The following HS1BP3 variants were observed in gnomAD, a reference collection of about 807,000 sequenced individuals.
HS1BP3 encodes HCLS1-binding protein 3.
Under a neutral mutation model 33.5 loss-of-function variants are expected in HS1BP3, and 32 were observed. The observed-to-expected ratio is 0.95, with a 90% CI of 0.72 to 1.28. The LOEUF is 1.28. HS1BP3 is among the 50% of genes most tolerant of loss of function. HS1BP3 has a pLI of 0.00. For missense variants in HS1BP3, 486 were observed against 502.3 expected (o/e 0.97, Z 0.31); for synonymous variants, 187 against 209.2 (o/e 0.89, Z 0.92).
chr2:20,581,151 G>A (rs1221962270), intron 5 of HS1BP3, among the ~76,000 whole-genome samples: 2 of 152,182 alleles, frequency 1.3e-5, no homozygotes, highest in African/African-American at 4.8e-5. Flanking sequence ...TGCTGCCTCT[G>A]GCCTGATGGG....
At chr2:20,578,819 G>T (rs1282806675) in intron 5 of HS1BP3, among the ~76,000 whole-genome samples, 1 of 152,158 alleles carries the variant, frequency 6.6e-6, no homozygotes, top group Non-Finnish European at 1.5e-5. Flanking sequence ...GAGTCCCTGG[G>T]TGTGTAGCTG....
intron 1 of HS1BP3, among the ~76,000 whole-genome samples, chr2:20,648,369 GC>G (rs753412168): frequency 3.3e-5 from 5 of 152,082 alleles, no homozygotes; most frequent in Non-Finnish European, 7.4e-5. Context: ...GCAACAAACT[GC>G]CCACGCCCAG....
At chr2:20,554,441 G>A in the HS1BP3 span, among the ~76,000 whole-genome samples, 6 of 152,156 alleles carry the variant, frequency 3.9e-5, no homozygotes, top group African/African-American at 7.2e-5. Context: ...AGCACTCAGG[G>A]GCCAGGCGCG....
chr2:20,640,761 C>T, intron 3 of HS1BP3: 3 of 619,420 alleles, frequency 4.8e-6, no homozygotes, highest in Non-Finnish European at 3.0e-6. Context: ...TGTGAGCCCC[C>T]ACCTGACAGC....
intron 5 of HS1BP3, among the ~76,000 whole-genome samples, chr2:20,584,928 G>A (rs1336255200): frequency 6.6e-6 from 1 of 152,148 alleles, no homozygotes; most frequent in Admixed American, 6.5e-5. Context: ...GACTCAGGCT[G>A]GAACCAAAGC....
chr2:20,563,625 C>T (rs1440807874), intron 5 of HS1BP3, among the ~76,000 whole-genome samples: 1 of 152,130 alleles, frequency 6.6e-6, no homozygotes, highest in Admixed American at 6.5e-5. Flanking sequence ...GAATGGTCCC[C>T]GAGATGGAGA....
At chr2:20,650,347 G>C (rs1695653671) in intron 1 of HS1BP3, among the ~76,000 whole-genome samples, 1 of 152,210 alleles carries the variant, frequency 6.6e-6, no homozygotes, top group Non-Finnish European at 1.5e-5. Context: ...GTGCCTCCCA[G>C]CCTTGCCAGG....
downstream of HS1BP3, among the ~76,000 whole-genome samples, chr2:20,588,457 G>C (rs1252704087): frequency 6.6e-6 from 1 of 152,074 alleles, no homozygotes; most frequent in Non-Finnish European, 1.5e-5. Context: ...GCTGGATTAC[G>C]GGCACCAGCC....
At chr2:20,582,475 G>A (rs1693557562) in intron 5 of HS1BP3, among the ~76,000 whole-genome samples, 1 of 152,078 alleles carries the variant, frequency 6.6e-6, no homozygotes, top group Admixed American at 6.5e-5. Context: ...GGGGTAGCAG[G>A]CTCTAAGAGT....
chr2:20,599,385 G>C (rs866015599), intron 2 of HS1BP3, among the ~76,000 whole-genome samples: 4 of 152,356 alleles, frequency 2.6e-5, no homozygotes, highest in Non-Finnish European at 4.4e-5. Flanking sequence ...GCCTGGGCTC[G>C]TGCCCAGTTA....
At chr2:20,588,484 T>A (rs538868258), downstream of HS1BP3, among the ~76,000 whole-genome samples, 3 of 152,036 alleles carry the variant, frequency 2.0e-5, no homozygotes, top group South Asian at 4.1e-4. Flanking sequence ...CCTGGCTAAT[T>A]TTTTTTTGCA....
downstream of HS1BP3, among the ~76,000 whole-genome samples, chr2:20,556,200 G>A (rs556360574): frequency 3.3e-5 from 5 of 152,298 alleles, no homozygotes; most frequent in East Asian, 9.6e-4. Context: ...TTCCTGCTAT[G>A]AGAACTGATA....
intron 5 of HS1BP3, among the ~76,000 whole-genome samples, chr2:20,579,106 C>A (rs929196562): frequency 6.6e-6 from 1 of 152,244 alleles, no homozygotes; most frequent in African/African-American, 2.4e-5. Context: ...CATCTGGAGG[C>A]TTCTGTTAAG....
Position 20,601,717 on chromosome 2 carries a change from G to C in HS1BP3, c.179-3452C>G, listed in dbSNP as rs540669061. ...GGCCTCCCCAGCCATGTGGAACTGG[G>C]AGTCCATTAAACCTCTTTCCTTTAT... On this transcript the variant is annotated intron_variant, in intron 2 of 3. Coordinates refer to the HS1BP3 transcript ENST00000415264. 4.0e-5 allele frequency among the ~76,000 whole-genome samples: 6 copies of C among 151,028 alleles called. No individual in the cohort carries two copies. In the South Asian group the frequency reaches 8.4e-4, roughly 21 times the overall value.
chr2:20,619,379 G>T, intron 6 of HS1BP3, 134 bp from the exon 7 acceptor site: 1 of 717,344 alleles, frequency 1.4e-6, no homozygotes. Context: ...TCAAGGCCCC[G>T]CCCTGCTCTG....
chr2:20,633,052 G>A (rs1286076180), intron 4 of HS1BP3, among the ~76,000 whole-genome samples: 1 of 152,212 alleles, frequency 6.6e-6, no homozygotes, highest in Non-Finnish European at 1.5e-5. Flanking sequence ...TATCCTTTCA[G>A]CCACTGGGCC....
chr2:20,572,091 A>C (rs1040332385), intron 5 of HS1BP3, among the ~76,000 whole-genome samples: 1 of 152,026 alleles, frequency 6.6e-6, no homozygotes, highest in African/African-American at 2.4e-5. Flanking sequence ...TACCCCCTGC[A>C]CTCTTTCCTT....
At chr2:20,568,408 G>A (rs925929933) in intron 5 of HS1BP3, among the ~76,000 whole-genome samples, 6 of 152,304 alleles carry the variant, frequency 3.9e-5, no homozygotes, top group African/African-American at 1.2e-4. Flanking sequence ...AGCTGGAGCC[G>A]GGCGGGTAAT....
chr2:20,570,080 T>TAACCCCTAA (rs1398803917), intron 5 of HS1BP3, among the ~76,000 whole-genome samples: 1 of 152,050 alleles, frequency 6.6e-6, no homozygotes, highest in Non-Finnish European at 1.5e-5. Flanking sequence ...ATCAGTCTAC[T>TAACCCCTAA]CCCCTAACCC....
Sources: gnomAD v4.1 joint callset for allele counts (sites outside exome capture counted in the v4.1 genomes callset) on GRCh38, gnomAD v4.1.1 for gene constraint, MANE v1.5 for transcripts, NCBI Gene and HGNC (gene_info 2026-07-23, HGNC 2026-07-21) for gene names.